Variants in ADAMTSL1 observed in about 807,000 individuals in gnomAD.
ADAMTSL1 encodes the protein ADAMTS like 1.
ADAMTSL1 carries 126 observed loss-of-function variants against 201.8 expected under a neutral mutation model. The ratio of observed to expected loss-of-function variants is 0.62; its 90% CI spans 0.54 to 0.72. ADAMTSL1 has a LOEUF of 0.72. Among genes scored for constraint, ADAMTSL1 ranks in the 30% least tolerant of loss-of-function variants. The probability of loss-of-function intolerance (pLI) is 0.00; values close to 1 mark genes in which losing one functional copy is unlikely to be tolerated. For synonymous variants in ADAMTSL1, 1,121 were observed against 903.4 expected (o/e 1.24, Z -4.32); for missense variants, 2,679 against 2,277.8 (o/e 1.18, Z -3.59).
At chr9:18,359,723 T>C (rs1192086866) in intron 2 of ADAMTSL1, among the ~76,000 whole-genome samples, 1 of 152,042 alleles carries the variant, frequency 6.6e-6, no homozygotes, top group Non-Finnish European at 1.5e-5. Flanking sequence ...GTATACAGCC[T>C]GATTCATATT....
At chr9:18,660,775 A>T (rs1266594488) in intron 8 of ADAMTSL1, among the ~76,000 whole-genome samples, 2 of 152,234 alleles carry the variant, frequency 1.3e-5, no homozygotes, top group East Asian at 3.9e-4. Flanking sequence ...GTTACTTTTC[A>T]TGCTTTTCAT....
At chr9:18,667,877 A>C (rs1385454149) in intron 9 of ADAMTSL1, among the ~76,000 whole-genome samples, 1 of 152,204 alleles carries the variant, frequency 6.6e-6, no homozygotes, top group Non-Finnish European at 1.5e-5. Flanking sequence ...TTGAGAGTAA[A>C]TCACATTTAT....
intron 1 of ADAMTSL1, among the ~76,000 whole-genome samples, chr9:18,060,413 T>G (rs1822396140): frequency 6.6e-6 from 1 of 152,178 alleles, no homozygotes; most frequent in Non-Finnish European, 1.5e-5. Flanking sequence ...TTTATTAACT[T>G]CATTTCAAAA....
At chr9:18,188,131 G>A (rs1587267000) in intron 2 of ADAMTSL1, among the ~76,000 whole-genome samples, 1 of 152,022 alleles carries the variant, frequency 6.6e-6, no homozygotes, top group Non-Finnish European at 1.5e-5. Context: ...AAGCTGAGAG[G>A]CTGTTTAACA....
intron 2 of ADAMTSL1, among the ~76,000 whole-genome samples, chr9:18,379,656 T>A (rs2133173359): frequency 6.6e-6 from 1 of 152,202 alleles, no homozygotes; most frequent in East Asian, 1.9e-4. Flanking sequence ...CTCTCCAGGC[T>A]GTCTTTAAAG....
At chr9:18,109,587 T>C (rs1175512682) in intron 1 of ADAMTSL1, among the ~76,000 whole-genome samples, 1 of 152,220 alleles carries the variant, frequency 6.6e-6, no homozygotes, top group Non-Finnish European at 1.5e-5. Context: ...TCAAAGGGTA[T>C]AAATAAAAGG....
At chr9:17,963,427 A>G (rs1247567296) in intron 1 of ADAMTSL1, among the ~76,000 whole-genome samples, 2 of 152,162 alleles carry the variant, frequency 1.3e-5, no homozygotes, top group African/African-American at 4.8e-5. Context: ...TTTATTAGAG[A>G]AAGAGCTATT....
Position 18,391,090 on chromosome 9 carries a change from C to G in ADAMTSL1, c.208-113739C>G, listed in dbSNP as rs142864545. ...GAGAGGGGTCTCTTGTCGATTCACT[C>G]CATTGCTATTTAATAACAGCAAAGC... On this transcript the variant is annotated intron_variant, in intron 2 of 29. Coordinates refer to the ADAMTSL1 transcript ENST00000680146. Among the ~76,000 whole-genome samples, 416 of 152,248 alleles carry G rather than the reference C, an allele frequency of 2.7e-3. 2 individuals carry two copies. Among genetic ancestry groups the G allele is most frequent in the African/African-American group, 8.6e-3 (359 of 41,522 alleles).
intron 4 of ADAMTSL1, among the ~76,000 whole-genome samples, chr9:18,613,408 C>A (rs537685362): frequency 1.4e-4 from 22 of 152,256 alleles, no homozygotes; most frequent in Middle Eastern, 3.4e-3. Flanking sequence ...AAGGCACATG[C>A]ACATGTATGT....
At chr9:18,069,058 G>T (rs1257535757) in intron 1 of ADAMTSL1, among the ~76,000 whole-genome samples, 1 of 152,150 alleles carries the variant, frequency 6.6e-6, no homozygotes, top group Non-Finnish European at 1.5e-5. Context: ...AGAATGGATG[G>T]TTACATTAGC....
At chr9:18,797,147 G>T (rs1421308955) in intron 20 of ADAMTSL1, among the ~76,000 whole-genome samples, 6 of 152,198 alleles carry the variant, frequency 3.9e-5, no homozygotes, top group East Asian at 1.9e-4. Context: ...CACCAGGGAA[G>T]GGGAGGAGAG....
intron 14 of ADAMTSL1, among the ~76,000 whole-genome samples, chr9:18,715,205 CCTATT>C (rs1564175229): frequency 6.7e-6 from 1 of 149,498 alleles, no homozygotes; most frequent in African/African-American, 2.5e-5. Flanking sequence ...TCTCACCACT[CCTATT>C]CAACATAGTG....
At chr9:18,588,231 AT>A (rs1823645883) in intron 4 of ADAMTSL1, among the ~76,000 whole-genome samples, 1 of 152,074 alleles carries the variant, frequency 6.6e-6, no homozygotes, top group African/African-American at 2.4e-5. Context: ...AATGTTGAGC[AT>A]TTTTTTACAT....
At chr9:18,359,586 T>G (rs1434661518) in intron 2 of ADAMTSL1, among the ~76,000 whole-genome samples, 1 of 152,204 alleles carries the variant, frequency 6.6e-6, no homozygotes, top group African/African-American at 2.4e-5. Flanking sequence ...TGACTCTGAA[T>G]GTCTGCTGTA....
At chr9:18,128,419 GT>G (rs1331551624) in intron 1 of ADAMTSL1, among the ~76,000 whole-genome samples, 2 of 152,138 alleles carry the variant, frequency 1.3e-5, no homozygotes, top group East Asian at 3.9e-4. Context: ...CTGCAGCGTA[GT>G]GGTGCAATCA....
At chr9:18,700,311 C>CT (rs1057501270) in intron 13 of ADAMTSL1, among the ~76,000 whole-genome samples, 1 of 151,834 alleles carries the variant, frequency 6.6e-6, no homozygotes, top group Non-Finnish European at 1.5e-5. Context: ...TTATTTAAAA[C>CT]TTTTTTTTGA....
intron 2 of ADAMTSL1, among the ~76,000 whole-genome samples, chr9:18,343,671 T>A (rs1242579611): frequency 6.6e-6 from 1 of 152,148 alleles, no homozygotes; most frequent in Non-Finnish European, 1.5e-5. Flanking sequence ...AGATGAAAAC[T>A]TATTTCAGAG....
At chr9:18,287,800 C>T (rs538096106) in intron 2 of ADAMTSL1, among the ~76,000 whole-genome samples, 2 of 143,636 alleles carry the variant, frequency 1.4e-5, no homozygotes, top group East Asian at 4.2e-4. Context: ...GGAAGGATCC[C>T]ACAGAACCAT....
chr9:18,175,976 G>A (rs1828129071), intron 2 of ADAMTSL1, among the ~76,000 whole-genome samples: 1 of 129,992 alleles, frequency 7.7e-6, no homozygotes, highest in Admixed American at 8.5e-5. Flanking sequence ...CAGAGGGTAG[G>A]ATTTAGGGAA....
Sources: gnomAD v4.1 joint callset for allele counts (sites outside exome capture counted in the v4.1 genomes callset) on GRCh38, gnomAD v4.1.1 for gene constraint, MANE v1.5 for transcripts, NCBI Gene and HGNC (gene_info 2026-07-23, HGNC 2026-07-21) for gene names.